LRRC7: variants seen among roughly 807,000 people sequenced by gnomAD.
The protein encoded by LRRC7 is leucine-rich repeat-containing protein 7.
LRRC7 carries 23 observed loss-of-function variants against 175.7 expected under a neutral mutation model. That is an observed-to-expected ratio of 0.13 (90% CI 0.09 to 0.19). The LOEUF (loss-of-function observed/expected upper bound fraction) is 0.19. Among genes scored for constraint, LRRC7 ranks in the 10% least tolerant of loss-of-function variants. The pLI, the probability that LRRC7 is intolerant of heterozygous loss-of-function variation, is 1.00. For synonymous variants in LRRC7, 685 were observed against 680.9 expected, an observed-to-expected ratio of 1.01 and a Z score of -0.09; for missense variants, 1,354 against 1,904.7, an observed-to-expected ratio of 0.71 and a Z score of 5.38.
intron 2 of LRRC7, among the ~76,000 whole-genome samples, chr1:69,704,950 T>A (rs534776706): frequency 6.6e-6 from 1 of 152,286 alleles, no homozygotes; most frequent in Admixed American, 6.5e-5. Context: ...TGTAATCACA[T>A]GTCCTCATAC....
intron 13 of LRRC7, 66 bp downstream of exon 13, chr1:70,013,155 C>T (rs1403784247): frequency 4.2e-6 from 4 of 948,280 alleles, no homozygotes; most frequent in Middle Eastern, 2.4e-4. Flanking sequence ...AGTTTTTTTG[C>T]CTATAGTTTT....
At chr1:69,678,187 G>T (rs1297795173) in intron 1 of LRRC7, among the ~76,000 whole-genome samples, 194 bp from the exon 2 acceptor site, 1 of 151,758 alleles carries the variant, frequency 6.6e-6, no homozygotes, top group East Asian at 1.9e-4. Flanking sequence ...TTTTTAATTG[G>T]GATGCTGGAA....
chr1:69,723,990 C>A (rs1666649645), intron 2 of LRRC7, among the ~76,000 whole-genome samples: 1 of 152,096 alleles, frequency 6.6e-6, no homozygotes, highest in African/African-American at 2.4e-5. Context: ...CCATTCACTG[C>A]AAGTAGGACT....
rs1189661640 is a variant in LRRC7, at chr1:69,567,990, T to C, written c.-650T>C. Reference sequence around the variant, plus strand: ...ACCCTACTCCGGGTGAACACCGGGCTTGAAGCCACGGACACCCAGCCCCAG... The same window carrying C: ...ACCCTACTCCGGGTGAACACCGGGCCTGAAGCCACGGACACCCAGCCCCAG... On this transcript the variant is annotated 5_prime_UTR_variant, in exon 1 of 27. Transcript: ENST00000651989. Among the ~76,000 whole-genome samples the C allele has an allele frequency of 6.6e-6, 1 of 152,046 alleles. No homozygotes were observed. The highest frequency in any genetic ancestry group is 1.5e-5 in the Non-Finnish European group (1 of 68,004).
chr1:69,642,908 T>C (rs563196818), intron 1 of LRRC7, among the ~76,000 whole-genome samples: 105 of 152,212 alleles, frequency 6.9e-4, no homozygotes, highest in African/African-American at 2.5e-3. Context: ...AATGTAATTA[T>C]GAAGGCTGAG....
intron 4 of LRRC7, among the ~76,000 whole-genome samples, chr1:69,801,382 T>G (rs1031496155): frequency 1.3e-5 from 2 of 151,726 alleles, no homozygotes; most frequent in African/African-American, 4.8e-5. Flanking sequence ...TATTACTGAT[T>G]CTATCTCACC....
intron 1 of LRRC7, among the ~76,000 whole-genome samples, chr1:69,637,161 C>T (rs761767433): frequency 1.2e-4 from 18 of 151,508 alleles, no homozygotes; most frequent in Non-Finnish European, 2.7e-4. Flanking sequence ...CACCTAGATT[C>T]AGTGCGGGGA....
chr1:69,672,248 AT>A (rs1275714386), intron 1 of LRRC7, among the ~76,000 whole-genome samples: 1 of 148,842 alleles, frequency 6.7e-6, no homozygotes, highest in Non-Finnish European at 1.5e-5. Flanking sequence ...TACTTAATAC[AT>A]TTTTTTAAAA....
At chr1:69,642,997 G>A (rs532185244) in intron 1 of LRRC7, among the ~76,000 whole-genome samples, 117 of 152,168 alleles carry the variant, frequency 7.7e-4, no homozygotes, top group Admixed American at 2.5e-3. Flanking sequence ...AGAACCAGGG[G>A]AGCTGATGGT....
At chr1:70,076,492 G>A (rs1397234215) in intron 24 of LRRC7, among the ~76,000 whole-genome samples, 194 bp downstream of exon 24, 1 of 151,920 alleles carries the variant, frequency 6.6e-6, no homozygotes, top group African/African-American at 2.4e-5. Context: ...ATTTATGGTT[G>A]GTAAAATACC....
chr1:69,644,775 A>T (rs185870167), intron 1 of LRRC7, among the ~76,000 whole-genome samples: 7 of 151,792 alleles, frequency 4.6e-5, no homozygotes, highest in South Asian at 4.2e-4. Flanking sequence ...ACCAATATAT[A>T]AAAAAAATGC....
intron 7 of LRRC7, among the ~76,000 whole-genome samples, chr1:69,916,588 T>G (rs1025755552): frequency 1.3e-5 from 2 of 151,968 alleles, no homozygotes; most frequent in Non-Finnish European, 1.5e-5. Context: ...GTTAATTAAT[T>G]ATAGCTGCCT....
intron 8 of LRRC7, among the ~76,000 whole-genome samples, chr1:69,968,811 T>C (rs1012443625): frequency 2.0e-5 from 3 of 151,460 alleles, no homozygotes; most frequent in African/African-American, 7.3e-5. Flanking sequence ...TTTTTGTTTT[T>C]TGTTTTTTGT....
intron 1 of LRRC7, among the ~76,000 whole-genome samples, chr1:69,666,756 A>G (rs1658328174): frequency 6.6e-6 from 1 of 151,986 alleles, no homozygotes; most frequent in Non-Finnish European, 1.5e-5. Context: ...TTTCAAAAAA[A>G]AATTATTTTT....
At chr1:69,919,833 C>T (rs1570654090) in intron 7 of LRRC7, 3 of 726,762 alleles carry the variant, frequency 4.1e-6, no homozygotes, top group Non-Finnish European at 4.7e-6. Flanking sequence ...ATTGTCCGCA[C>T]GGAGTGAGGA....
chr1:69,745,073 A>G (rs1334585971), intron 2 of LRRC7, among the ~76,000 whole-genome samples: 1 of 151,924 alleles, frequency 6.6e-6, no homozygotes, highest in Non-Finnish European at 1.5e-5. Flanking sequence ...TAATTATCAA[A>G]ATGAGACAGT....
chr1:70,118,206 G>A (rs621996), intron 26 of LRRC7, among the ~76,000 whole-genome samples: 90,126 of 151,828 alleles, frequency 0.59, 27,046 homozygotes, highest in Middle Eastern at 0.65. Context: ...TTGATTCCCC[G>A]TCTGAACTAT....
At position 70,038,095 on chromosome 1, in the gene LRRC7, T is replaced by C; in HGVS notation, c.2289-18T>C. The C allele has an allele frequency of 6.4e-7, 1 of 1,570,660 alleles. No homozygotes were observed. Among genetic ancestry groups the C allele is most frequent in the Non-Finnish European group, 8.6e-7 (1 of 1,160,008 alleles). ...ACTCTTCGTCCTTTTCAATTTCTTC[T>C]TCCCATTGTGTTCACAGGATTGCAC... is the stretch of plus-strand genomic sequence containing the variant. On this transcript the variant is annotated intron_variant, in intron 20 of 26. Coordinates refer to ENST00000651989, the MANE Select transcript of LRRC7 (RefSeq NM_001370785.2).
intron 11 of LRRC7, among the ~76,000 whole-genome samples, chr1:69,996,089 T>G (rs1486221202): frequency 6.6e-6 from 1 of 151,356 alleles, no homozygotes; most frequent in African/African-American, 2.4e-5. Context: ...TTTGAATGAT[T>G]GCCATTCTAA....
Sources: gnomAD v4.1 joint callset for allele counts (sites outside exome capture counted in the v4.1 genomes callset) on GRCh38, gnomAD v4.1.1 for gene constraint, MANE v1.5 for transcripts, NCBI Gene and HGNC (gene_info 2026-07-23, HGNC 2026-07-21) for gene names.